FANCC: variants seen among roughly 807,000 people sequenced by gnomAD.
The protein encoded by FANCC is FA complementation group C.
FANCC carries 55 observed loss-of-function variants against 71.3 expected under a neutral mutation model. The observed-to-expected ratio is 0.77, with a 90% CI of 0.62 to 0.97. The LOEUF (loss-of-function observed/expected upper bound fraction) is 0.97. Ranked by LOEUF, FANCC falls within the 50% of genes least tolerant of loss-of-function variation. The probability of loss-of-function intolerance (pLI) is 0.00; values close to 1 mark genes in which losing one functional copy is unlikely to be tolerated. For missense variants in FANCC, 678 were observed against 670.9 expected, an observed-to-expected ratio of 1.01 and a Z score of -0.12; for synonymous variants, 275 against 244.9, an observed-to-expected ratio of 1.12 and a Z score of -1.15.
intron 1 of FANCC, among the ~76,000 whole-genome samples, chr9:95,268,086 A>T (rs114986496): frequency 0.013 from 2,044 of 152,322 alleles, 51 homozygotes; most frequent in African/African-American, 0.046. Flanking sequence ...TGTGAGTCCC[A>T]CTAGCATTTT....
At chr9:95,287,984 C>G (rs1386039982) in intron 1 of FANCC, among the ~76,000 whole-genome samples, 1 of 152,006 alleles carries the variant, frequency 6.6e-6, no homozygotes, top group Non-Finnish European at 1.5e-5. Flanking sequence ...GATAAGGAAC[C>G]CCTGTTCTCC....
chr9:95,117,504 C>A, intron 10 of FANCC, 114 bp from the exon 11 acceptor site: 2 of 764,046 alleles, frequency 2.6e-6, no homozygotes, highest in South Asian at 3.0e-5. Context: ...CTAACATGGT[C>A]AGAACACTTT....
intron 1 of FANCC, among the ~76,000 whole-genome samples, chr9:95,316,115 T>G (rs1835723517): frequency 6.6e-6 from 1 of 152,220 alleles, no homozygotes; most frequent in Admixed American, 6.5e-5. Flanking sequence ...AAAAATAAAT[T>G]CGAATGTATA....
At chr9:95,293,132 T>C in intron 1 of FANCC, 1 of 1,613,324 alleles carries the variant, frequency 6.2e-7, no homozygotes, top group Non-Finnish European at 8.5e-7. Context: ...GAAATAAAGC[T>C]AGAACCATCT....
At chr9:95,308,555 G>A (rs1336793156) in intron 1 of FANCC, among the ~76,000 whole-genome samples, 1 of 151,182 alleles carries the variant, frequency 6.6e-6, no homozygotes, top group African/African-American at 2.4e-5. Flanking sequence ...CAAAGTGCTG[G>A]GATTACAGGC....
At chr9:95,299,193 G>C (rs1588437141) in intron 1 of FANCC, among the ~76,000 whole-genome samples, 1 of 152,282 alleles carries the variant, frequency 6.6e-6, no homozygotes, top group Admixed American at 6.5e-5. Context: ...AACTAGTTTT[G>C]AAAATCTACT....
Position 95,111,612 on chromosome 9 carries a change from A to G in FANCC, c.1180T>C (p.Trp394Arg), listed in dbSNP as rs1178035636. Residue 394 changes from tryptophan (W) to arginine (R), a missense_variant, in exon 13 of 15, where the codon TGG (tryptophan) becomes CGG (arginine). Trp to Arg is a moderately radical substitution (Grantham distance 101). Coordinates refer to ENST00000289081, the MANE Select transcript of FANCC (RefSeq NM_000136.3). ...CCTCCGAAGTGAATGAACAGGAACCAGCTCTCAAAGGGACCTCCGCAGGAC... is the reference window on the plus strand; with the variant it reads ...CCTCCGAAGTGAATGAACAGGAACCGGCTCTCAAAGGGACCTCCGCAGGAC... ...HGSCGGPFES[W>R]FLFIHFGGWA... 6.2e-7 allele frequency: 1 copy of G among 1,614,076 alleles called. No homozygotes were observed. Among genetic ancestry groups the G allele is most frequent in the African/African-American group, 1.3e-5 (1 of 74,940 alleles).
At chr9:95,184,617 G>A (rs889134251) in intron 4 of FANCC, among the ~76,000 whole-genome samples, 3 of 152,170 alleles carry the variant, frequency 2.0e-5, no homozygotes, top group South Asian at 2.1e-4. Flanking sequence ...TCAGTTCTCT[G>A]GCATAGAAAC....
At chr9:95,104,883 C>T (rs1487749054) in intron 14 of FANCC, among the ~76,000 whole-genome samples, 1 of 152,192 alleles carries the variant, frequency 6.6e-6, no homozygotes, top group Admixed American at 6.5e-5. Flanking sequence ...CCCATAAGCA[C>T]CTTCCCACTG....
At chr9:95,122,241 T>C (rs1252758389) in intron 10 of FANCC, among the ~76,000 whole-genome samples, 1 of 152,000 alleles carries the variant, frequency 6.6e-6, no homozygotes, top group African/African-American at 2.4e-5. Context: ...TTATTAGATA[T>C]CAGGTTTACA....
chr9:95,301,175 AACACAC>A (rs146415585), intron 1 of FANCC, among the ~76,000 whole-genome samples: 24 of 146,084 alleles, frequency 1.6e-4, no homozygotes, highest in African/African-American at 3.5e-4. Context: ...TAACCATCAA[AACACAC>A]ACACACACAC....
intron 2 of FANCC, among the ~76,000 whole-genome samples, chr9:95,247,739 GATGT>G (rs1367551153): frequency 1.3e-5 from 2 of 152,184 alleles, no homozygotes; most frequent in Admixed American, 6.5e-5. Context: ...ACCAAACTAA[GATGT>G]ATGACATAGG....
intron 10 of FANCC, among the ~76,000 whole-genome samples, chr9:95,120,832 T>C (rs2072818617): frequency 6.6e-6 from 1 of 152,236 alleles, no homozygotes; most frequent in East Asian, 1.9e-4. Context: ...AGTTTTGGGT[T>C]TAGGTCTATC....
At chr9:95,251,981 G>A (rs1226518891) in intron 1 of FANCC, among the ~76,000 whole-genome samples, 3 of 152,080 alleles carry the variant, frequency 2.0e-5, no homozygotes. Flanking sequence ...TGTCCTTAAA[G>A]AAACAAACTG....
intron 10 of FANCC, among the ~76,000 whole-genome samples, chr9:95,124,039 G>A (rs1269188476): frequency 6.8e-6 from 1 of 146,456 alleles, no homozygotes; most frequent in South Asian, 2.2e-4. Context: ...GGGGGGTTGA[G>A]ACTGCAGTAA....
intron 1 of FANCC, among the ~76,000 whole-genome samples, chr9:95,269,040 T>C (rs1283518144): frequency 6.6e-6 from 1 of 152,224 alleles, no homozygotes; most frequent in South Asian, 2.1e-4. Flanking sequence ...CTCCACATCA[T>C]TTCAATCTAG....
At chr9:95,161,615 C>T (rs1200618195) in intron 6 of FANCC, among the ~76,000 whole-genome samples, 1 of 152,104 alleles carries the variant, frequency 6.6e-6, no homozygotes, top group African/African-American at 2.4e-5. Flanking sequence ...GCTCATAGAC[C>T]AGTTTTAAAT....
intron 4 of FANCC, among the ~76,000 whole-genome samples, chr9:95,220,093 T>G (rs1588301161): frequency 6.6e-6 from 1 of 152,326 alleles, no homozygotes; most frequent in Non-Finnish European, 1.5e-5. Context: ...AACACATTTA[T>G]GCAGCCAACA....
chr9:95,303,341 T>C (rs954014651), intron 1 of FANCC, among the ~76,000 whole-genome samples: 1 of 152,136 alleles, frequency 6.6e-6, no homozygotes, highest in Non-Finnish European at 1.5e-5. Flanking sequence ...TGCAGATGAG[T>C]GAGCTAAGTT....
Sources: gnomAD v4.1 joint callset for allele counts (sites outside exome capture counted in the v4.1 genomes callset) on GRCh38, gnomAD v4.1.1 for gene constraint, MANE v1.5 for transcripts, NCBI Gene and HGNC (gene_info 2026-07-23, HGNC 2026-07-21) for gene names.